Variants in UBN2 observed in about 807,000 individuals in gnomAD.
The protein encoded by UBN2 is ubinuclein-2.
A neutral mutation model predicts 120.2 loss-of-function variants in UBN2; 35 were observed. That is an observed-to-expected ratio of 0.29 (90% confidence interval 0.22 to 0.39). UBN2 has a LOEUF of 0.39. UBN2 is among the 10% of genes least tolerant of loss of function. The probability of loss-of-function intolerance (pLI) is 1.00; values close to 1 mark genes in which losing one functional copy is unlikely to be tolerated. For synonymous variants in UBN2, 661 were observed against 648.7 expected (o/e 1.02, Z -0.29); for missense variants, 1,693 against 1,663.2 (o/e 1.02, Z -0.31).
At position 139,293,366 on chromosome 7, in the gene UBN2, G is replaced by T; in HGVS notation, c.3804G>T (p.Gln1268His). 6.2e-7 allele frequency: 1 copy of T among 1,614,086 alleles called. No individual in the cohort carries two copies. The highest frequency in any genetic ancestry group is 1.6e-4 in the Middle Eastern group (1 of 6,062). ...GGLVPVTMPF[Q>H]FPLEIFGFGT... Reference sequence around the variant, plus strand: ...TTGTTCCAGTGACCATGCCCTTCCAGTTTCCCTTGGAGATATTTGGCTTTG... The same window carrying T: ...TTGTTCCAGTGACCATGCCCTTCCATTTTCCCTTGGAGATATTTGGCTTTG... Residue 1268 changes from glutamine (Q) to histidine (H), a missense_variant, in exon 16 of 18, where the codon CAG becomes CAT. Around this residue, in one of 5 missense-constraint regions of UBN2, gnomAD observed 837 missense variants for 817.6 expected, o/e 1.02. Transcript: ENST00000473989.
intron 6 of UBN2, among the ~76,000 whole-genome samples, chr7:139,265,709 G>T (rs369440225): frequency 1.3e-5 from 2 of 152,242 alleles, no homozygotes; most frequent in East Asian, 1.9e-4. Context: ...ACACACAGGA[G>T]AAGGTAATGT....
At chr7:139,281,355 G>A (rs530405391) in intron 13 of UBN2, among the ~76,000 whole-genome samples, 27 of 152,224 alleles carry the variant, frequency 1.8e-4, no homozygotes, top group Middle Eastern at 3.4e-3. Context: ...GCCTACAAAA[G>A]AAAATGCAAA....
At chr7:139,245,097 CTT>C (rs537219130) in intron 2 of UBN2, among the ~76,000 whole-genome samples, 3 of 100,330 alleles carry the variant, frequency 3.0e-5, no homozygotes, top group African/African-American at 4.6e-5. Flanking sequence ...CCATGCCCAG[CTT>C]TTTTTTTTTT....
chr7:139,327,262 A>ACAT, the UBN2 span, among the ~76,000 whole-genome samples: 5 of 152,090 alleles, frequency 3.3e-5, no homozygotes, highest in Non-Finnish European at 7.4e-5. Context: ...CGAGCTCCCG[A>ACAT]CATCAGGTGA....
rs1798155293 is a variant in UBN2, at chr7:139,297,889, T to C, written c.*53T>C. ...GTTTAGTTGACTGATGGAATCTACC[T>C]GATGGGAAAGTACTTATGTGGTCAT... On this transcript the variant is annotated 3_prime_UTR_variant, in exon 18 of 18. Transcript: ENST00000473989. The C allele has an allele frequency of 6.3e-7, 1 of 1,591,620 alleles. No homozygotes were observed. Among genetic ancestry groups the C allele is most frequent in the East Asian group, 2.2e-5 (1 of 44,684 alleles).
Position 139,259,285 on chromosome 7 carries a change from G to C in UBN2, c.820G>C (p.Asp274His), listed in dbSNP as rs377127196. ...TTTGCAGGTCCCCAAAATAAAAGAA[G>C]ATGATATTGAGATGAAGAAGCGGAA... Reference protein sequence around the residue: ...KPPKVPKIKEDDIEMKKRKRK... With the variant: ...KPPKVPKIKEHDIEMKKRKRK... Residue 274 changes from aspartate (D) to histidine (H), a missense_variant, in exon 5 of 18, where the codon GAT (aspartate) becomes CAT (histidine). Physicochemically the swap from Asp to His is moderately conservative, Grantham distance 81 (BLOSUM62 -1). Transcript: ENST00000473989. 1.9e-6 allele frequency: 3 copies of C among 1,613,210 alleles called. No homozygotes were observed. The highest frequency in any genetic ancestry group is 1.3e-5 in the African/African-American group (1 of 74,816).
chr7:139,291,384 A>G (rs1314320666), intron 15 of UBN2, among the ~76,000 whole-genome samples: 4 of 148,396 alleles, frequency 2.7e-5, no homozygotes, highest in Admixed American at 2.7e-4. Context: ...AAAAAAAAAC[A>G]TGGAAAACAA....
chr7:139,271,832 G>A (rs1184400952), intron 8 of UBN2, among the ~76,000 whole-genome samples: 1 of 152,102 alleles, frequency 6.6e-6, no homozygotes, highest in Non-Finnish European at 1.5e-5. Context: ...TTTACTTGCA[G>A]CCTAAGTCAA....
At chr7:139,268,450 T>C (rs1347115345) in intron 7 of UBN2, among the ~76,000 whole-genome samples, 1 of 152,182 alleles carries the variant, frequency 6.6e-6, no homozygotes, top group African/African-American at 2.4e-5. Flanking sequence ...TCCAGTTGTA[T>C]TGGTGATGCC....
the UBN2 span, among the ~76,000 whole-genome samples, chr7:139,313,818 A>G: frequency 5.9e-5 from 9 of 151,946 alleles, no homozygotes; most frequent in African/African-American, 2.2e-4. Flanking sequence ...TGCTTTTCCC[A>G]TAATACCTAT....
intron 7 of UBN2, among the ~76,000 whole-genome samples, chr7:139,267,190 A>G (rs1210697288): frequency 6.6e-6 from 1 of 152,222 alleles, no homozygotes; most frequent in African/African-American, 2.4e-5. Context: ...CTCTGGTGAA[A>G]ATAATGTTTG....
Position 139,231,849 on chromosome 7 carries a change from CGCCGAGGGA to C in UBN2, c.367_375del (p.Pro123_Glu125del). The stretch of plus-strand genomic sequence containing the variant: ...TCCCGGGCTGAGCAGCCGCCGCGGC[CGCCGAGGGA>C]GACGGTGCGCCTGGAGCTGGTGCTT... On this transcript the variant is annotated inframe_deletion, in exon 1 of 18. Coordinates refer to ENST00000473989, the MANE Select transcript of UBN2 (RefSeq NM_173569.4). 1 of 1,547,760 alleles carries C rather than the reference CGCCGAGGGA, an allele frequency of 6.5e-7. No homozygotes were observed. Among genetic ancestry groups the C allele is most frequent in the South Asian group, 1.2e-5 (1 of 86,342 alleles).
At chr7:139,236,971 A>G in intron 1 of UBN2, 34 bp from the exon 2 acceptor site, 1 of 1,372,856 alleles carries the variant, frequency 7.3e-7, no homozygotes, top group East Asian at 2.3e-5. Context: ...ACTAATGGAT[A>G]CTTCTCTTTC....
Position 139,305,974 on chromosome 7 carries a change from C to A in UBN2, c.*8138C>A, listed in dbSNP as rs1037679244. 2.6e-5 allele frequency: 4 copies of A among 152,058 alleles called. No individual in the cohort carries two copies. The highest frequency in any genetic ancestry group is 7.2e-5 in the African/African-American group (3 of 41,388). 9.4% of individuals were successfully genotyped at this position (152,058 alleles called of 1,614,324 possible). A position where few individuals can be genotyped will look rare whatever the true frequency, so the allele number is the denominator to read the frequency against. ...TATGAATCAAATTTTATGTTTGTTC[C>A]TCACAAAATTTTCTACACATTATTT... On this transcript the variant is annotated 3_prime_UTR_variant, in exon 18 of 18. Transcript: ENST00000473989.
rs753552401 is a variant in UBN2, at chr7:139,272,424, C to A, written c.1699C>A (p.Gln567Lys). 6.2e-7 allele frequency: 1 copy of A among 1,612,668 alleles called. No homozygotes were observed. Among genetic ancestry groups the A allele is most frequent in the Admixed American group, 1.7e-5 (1 of 59,694 alleles). ...KYQEDCQARS[Q>K]AKCAKLQTDE... ...CCAGGAGGACTGCCAGGCTCGTAGT[C>A]AAGCTAAGTGTGCCAAGTATGTATC... The change falls in exon 9 of 18, where the codon CAA becomes AAA. Residue 567 changes from glutamine to lysine, a missense_variant. Transcript: ENST00000473989.
Position 139,305,144 on chromosome 7 carries a change from A to G in UBN2, c.*7308A>G, listed in dbSNP as rs1798337535. 1 of 152,236 alleles carries G rather than the reference A, an allele frequency of 6.6e-6. No homozygotes were observed. The highest frequency in any genetic ancestry group is 2.4e-5 in the African/African-American group (1 of 41,472). The allele number at this position is 152,236 out of a possible 1,614,324, so 9.4% of individuals were successfully genotyped here. A position where few individuals can be genotyped will look rare whatever the true frequency, so the allele number is the denominator to read the frequency against. On this transcript the variant is annotated 3_prime_UTR_variant, in exon 18 of 18. Coordinates refer to ENST00000473989, the MANE Select transcript of UBN2 (RefSeq NM_173569.4). ...ATTATATGACACAATGTTCAGGTTTATAGAGCTGAATGGGTGATCAAACTC... is the reference window on the plus strand; with the variant it reads ...ATTATATGACACAATGTTCAGGTTTGTAGAGCTGAATGGGTGATCAAACTC...
intron 15 of UBN2, among the ~76,000 whole-genome samples, chr7:139,289,328 T>C (rs1797877441): frequency 6.6e-6 from 1 of 152,120 alleles, no homozygotes; most frequent in African/African-American, 2.4e-5. Flanking sequence ...AAGTGTAAAA[T>C]GTTAGACAGT....
chr7:139,232,686 C>T (rs941097471), intron 1 of UBN2, among the ~76,000 whole-genome samples: 3 of 152,006 alleles, frequency 2.0e-5, no homozygotes, highest in African/African-American at 4.8e-5. Context: ...TATTTGACAC[C>T]TACCCGTCAT....
chr7:139,308,504 C>T (rs1367581157), downstream of UBN2, among the ~76,000 whole-genome samples: 2 of 152,078 alleles, frequency 1.3e-5, no homozygotes, highest in Admixed American at 1.3e-4. Context: ...GGGGAAGAAA[C>T]GGGACTGGAG....
Sources: allele counts gnomAD v4.1 joint callset (sites outside exome capture counted in the v4.1 genomes callset), GRCh38; gene constraint gnomAD v4.1.1; regional missense constraint gnomAD v4.1.1; transcripts MANE v1.5; gene names NCBI Gene and HGNC (gene_info 2026-07-23, HGNC 2026-07-21).